CTNNA2: variants seen among roughly 807,000 people sequenced by gnomAD.
CTNNA2 encodes the protein catenin alpha-2.
In CTNNA2, 42 loss-of-function variants were observed where a neutral mutation model predicts 101.0. The ratio of observed to expected loss-of-function variants is 0.42; its 90% CI spans 0.32 to 0.54. CTNNA2 has a LOEUF of 0.54. CTNNA2 is among the 20% of genes least tolerant of loss of function. CTNNA2 has a pLI of 0.14. For synonymous variants in CTNNA2, 450 were observed against 456.4 expected (o/e 0.99, Z 0.18); for missense variants, 871 against 1,223.1 (o/e 0.71, Z 4.29).
At chr2:80,005,883 A>G (rs1412312200) in intron 7 of CTNNA2, among the ~76,000 whole-genome samples, 1 of 152,044 alleles carries the variant, frequency 6.6e-6, no homozygotes, top group East Asian at 1.9e-4. Flanking sequence ...ATATTGAGAT[A>G]TTTAATTACT....
chr2:79,691,059 T>G (rs1684262966), intron 2 of CTNNA2, among the ~76,000 whole-genome samples: 1 of 151,980 alleles, frequency 6.6e-6, no homozygotes, highest in Non-Finnish European at 1.5e-5. Context: ...GCAGAAGAGA[T>G]ACAGAATGCA....
chr2:79,639,526 A>T (rs993969773), intron 1 of CTNNA2, among the ~76,000 whole-genome samples: 2 of 152,166 alleles, frequency 1.3e-5, no homozygotes, highest in African/African-American at 2.4e-5. Context: ...ACTGTAATTA[A>T]ATTTGAGTTT....
At chr2:79,778,293 C>G (rs1307139958) in intron 3 of CTNNA2, among the ~76,000 whole-genome samples, 1 of 151,436 alleles carries the variant, frequency 6.6e-6, no homozygotes, top group Non-Finnish European at 1.5e-5. Flanking sequence ...TTCGGTGAGC[C>G]GAGATCGCAT....
At chr2:79,714,869 G>A (rs188475272) in intron 2 of CTNNA2, among the ~76,000 whole-genome samples, 2 of 152,028 alleles carry the variant, frequency 1.3e-5, no homozygotes, top group East Asian at 3.9e-4. Context: ...ATTCTTAGAA[G>A]GGCAAGTGTT....
At chr2:79,497,443 T>C (rs1302157674) in intron 4 of CTNNA2, among the ~76,000 whole-genome samples, 1 of 152,260 alleles carries the variant, frequency 6.6e-6, no homozygotes, top group African/African-American at 2.4e-5. Flanking sequence ...GCTGTCATCT[T>C]CTGCATCTCC....
In CTNNA2 at chr2:79,687,531, A is replaced by C. The variant is rs901572803; in HGVS notation, c.102+35873A>C. The C allele has an allele frequency of 3.8e-5, 26 of 691,976 alleles. No homozygotes were observed. The African/African-American group carries it at 4.3e-4, about 12-fold the overall frequency. 42.9% of individuals were successfully genotyped at this position (691,976 alleles called of 1,614,324 possible). ...GAGGGCACACACTGGAATCCACCAG[A>C]ACTGAATACACATTGTTTTGTTTGC... On this transcript the variant is annotated intron_variant, in intron 2 of 18. Coordinates refer to ENST00000402739, the MANE Select transcript of CTNNA2 (RefSeq NM_001282597.3).
chr2:79,245,274 A>G (rs1044066372), intron 2 of CTNNA2, among the ~76,000 whole-genome samples: 2 of 152,120 alleles, frequency 1.3e-5, no homozygotes, highest in African/African-American at 4.8e-5. Flanking sequence ...AACATGCGAA[A>G]TGCCTTCTCT....
At chr2:79,799,062 T>C (rs11886038) in intron 3 of CTNNA2, among the ~76,000 whole-genome samples, 18,513 of 152,066 alleles carry the variant, frequency 0.12, 1,670 homozygotes, top group East Asian at 0.37. Context: ...CAGCCCAGAT[T>C]TGCAATCCAG....
intron 7 of CTNNA2, among the ~76,000 whole-genome samples, chr2:80,103,715 T>G (rs1700696649): frequency 6.6e-6 from 1 of 152,160 alleles, no homozygotes; most frequent in Admixed American, 6.5e-5. Flanking sequence ...CCTAGGCAGC[T>G]TAAATAATGT....
chr2:79,891,440 A>G (rs1684297825), intron 6 of CTNNA2, among the ~76,000 whole-genome samples: 1 of 152,220 alleles, frequency 6.6e-6, no homozygotes, highest in South Asian at 2.1e-4. Flanking sequence ...AGTACTTAAG[A>G]TAAAAAACAT....
At chr2:80,380,485 A>T (rs937556028) in intron 7 of CTNNA2, among the ~76,000 whole-genome samples, 2 of 152,186 alleles carry the variant, frequency 1.3e-5, no homozygotes, top group Admixed American at 1.3e-4. Flanking sequence ...TCTCCCAAGA[A>T]GTTCTCCCAG....
chr2:79,548,307 T>C (rs529587561), intron 1 of CTNNA2, among the ~76,000 whole-genome samples: 99 of 152,346 alleles, frequency 6.5e-4, no homozygotes, highest in African/African-American at 2.1e-3. Flanking sequence ...AAGCACTTTG[T>C]TTTGTGTGAA....
intron 7 of CTNNA2, among the ~76,000 whole-genome samples, chr2:80,029,012 G>A (rs1401041150): frequency 6.6e-6 from 1 of 152,168 alleles, no homozygotes; most frequent in Non-Finnish European, 1.5e-5. Context: ...AATAGGAGAT[G>A]AATACATTTG....
At chr2:80,074,360 T>G (rs184366912) in intron 7 of CTNNA2, among the ~76,000 whole-genome samples, 1 of 152,280 alleles carries the variant, frequency 6.6e-6, no homozygotes, top group East Asian at 1.9e-4. Flanking sequence ...ACAAAACATT[T>G]AAAGAGGCAG....
intron 3 of CTNNA2, among the ~76,000 whole-genome samples, chr2:79,760,203 ATG>A (rs1255146900): frequency 1.3e-5 from 2 of 152,224 alleles, no homozygotes; most frequent in African/African-American, 4.8e-5. Context: ...AGAAAGCATT[ATG>A]TAAATGCTAA....
intron 9 of CTNNA2, among the ~76,000 whole-genome samples, chr2:80,458,307 A>G (rs1186098259): frequency 6.6e-6 from 1 of 152,172 alleles, no homozygotes; most frequent in Non-Finnish European, 1.5e-5. Flanking sequence ...AATATGACCT[A>G]TTGTGTATTA....
In CTNNA2 at chr2:80,102,754, C is replaced by T. The variant is rs182967549; in HGVS notation, c.1056+192957C>T. On this transcript the variant is annotated intron_variant, in intron 7 of 18. Transcript: ENST00000402739. ...CTTGAACTCCTGACTTCAAGTGATC[C>T]GCCAGCCTCAGCCTCCCAATGTGCT... Among the ~76,000 whole-genome samples the T allele has an allele frequency of 2.6e-4, 39 of 152,138 alleles. No individual in the cohort carries two copies. In the East Asian group the frequency reaches 3.5e-3, roughly 14 times the overall value.
chr2:80,313,505 A>T lies in CTNNA2; in HGVS notation c.1057-79706A>T, dbSNP rs1057397241. On this transcript the variant is annotated intron_variant, in intron 7 of 18. Coordinates refer to ENST00000402739, the MANE Select transcript of CTNNA2 (RefSeq NM_001282597.3). ...ATGTAAACAAGAGCTGTGGTTGAAGAGATTTTTCTAGCTAATTGAGCAAGA... is the reference window on the plus strand; with the variant it reads ...ATGTAAACAAGAGCTGTGGTTGAAGTGATTTTTCTAGCTAATTGAGCAAGA... 1.9e-6 allele frequency: 3 copies of T among 1,582,846 alleles called. No individual in the cohort carries two copies. In the Admixed American group the frequency reaches 5.5e-5, roughly 29 times the overall value.
chr2:79,466,801 A>C (rs1670942074), intron 4 of CTNNA2, among the ~76,000 whole-genome samples: 1 of 152,236 alleles, frequency 6.6e-6, no homozygotes, highest in African/African-American at 2.4e-5. Context: ...CTCCAACAGA[A>C]CTGCAGCTGA....
Sources: gnomAD v4.1 joint callset for allele counts (sites outside exome capture counted in the v4.1 genomes callset) on GRCh38, gnomAD v4.1.1 for gene constraint, MANE v1.5 for transcripts, NCBI Gene and HGNC (gene_info 2026-07-23, HGNC 2026-07-21) for gene names.